Variants in PTGR1 observed in about 807,000 individuals in gnomAD.
PTGR1 encodes 15-oxoprostaglandin 13-reductase.
PTGR1 carries 23 observed loss-of-function variants against 37.7 expected under a neutral mutation model. The ratio of observed to expected loss-of-function variants is 0.61; its 90% CI spans 0.44 to 0.86. PTGR1 has a LOEUF of 0.86. PTGR1 is among the 40% of genes least tolerant of loss of function. The probability of loss-of-function intolerance (pLI) is 0.00; values close to 1 mark genes in which losing one functional copy is unlikely to be tolerated. For synonymous variants in PTGR1, 134 were observed against 140.0 expected, an observed-to-expected ratio of 0.96 and a Z score of 0.30; for missense variants, 351 against 394.3, an observed-to-expected ratio of 0.89 and a Z score of 0.93.
chr9:111,550,575 C>G (rs1355322718), intron 9 of PTGR1, among the ~76,000 whole-genome samples: 1 of 152,160 alleles, frequency 6.6e-6, no homozygotes, highest in East Asian at 1.9e-4. Context: ...CAGATGGACT[C>G]ATGTGCTCCC....
At chr9:111,561,467 A>G (rs1828320688), downstream of PTGR1, among the ~76,000 whole-genome samples, 1 of 151,798 alleles carries the variant, frequency 6.6e-6, no homozygotes, top group Non-Finnish European at 1.5e-5. Context: ...GATGTGGGGT[A>G]TTGTCCAGTC....
At chr9:111,569,773 T>G in intron 9 of PTGR1, 1 of 340,284 alleles carries the variant, frequency 2.9e-6, no homozygotes, top group Non-Finnish European at 5.6e-6. Flanking sequence ...AAGCCTCATA[T>G]GTGGGTTTAA....
In PTGR1 at chr9:111,576,347, T is replaced by C. The variant is rs1330268515; in HGVS notation, c.652-1505A>G. The C allele has an allele frequency of 2.5e-6, 4 of 1,613,834 alleles. No homozygotes were observed. In the Admixed American group the frequency reaches 6.7e-5, roughly 27 times the overall value. On this transcript the variant is annotated intron_variant, in intron 7 of 9. Transcript: ENST00000407693. ...ACCTCAAACCAGTACTCACTAAGCT[T>C]TCCCTGGTCACTTGCAGACATACAT...
chr9:111,578,821 T>C lies in PTGR1; in HGVS notation c.626A>G (p.Asp209Gly), dbSNP rs200278883. The C allele has an allele frequency of 6.2e-7, 1 of 1,606,220 alleles. No individual in the cohort carries two copies. The highest frequency in any genetic ancestry group is 8.5e-7 in the Non-Finnish European group (1 of 1,177,510). Residue 209 changes from aspartate (D) to glycine (G), a missense_variant, in exon 7 of 10, where the codon GAT (aspartate) becomes GGT (glycine). Coordinates refer to ENST00000407693, the MANE Select transcript of PTGR1 (RefSeq NM_001146108.2). ...ATTATCAAAATAACAATCATAACCA[T>C]CAGGAGACGCTTTCTTCAAGGTTTC... ...LEETLKKASP[D>G]GYDCYFDNVG...
At chr9:111,593,135 T>C (rs568726664) in intron 3 of PTGR1, among the ~76,000 whole-genome samples, 153 bp from the exon 4 acceptor site, 6 of 151,604 alleles carry the variant, frequency 4.0e-5, no homozygotes. Flanking sequence ...CCCAGACAGA[T>C]GAAGGGCTAC....
At chr9:111,581,208 T>C (rs536122195) in intron 6 of PTGR1, among the ~76,000 whole-genome samples, 1 of 152,102 alleles carries the variant, frequency 6.6e-6, no homozygotes, top group East Asian at 1.9e-4. Context: ...ATTAAGAAAG[T>C]ACAGAATTCA....
Position 111,562,852 on chromosome 9 carries a change from G to T in PTGR1, c.*269C>A, listed in dbSNP as rs1828372756. 5 of 914,806 alleles carry T rather than the reference G, an allele frequency of 5.5e-6. No individual in the cohort carries two copies. Among genetic ancestry groups the T allele is most frequent in the Non-Finnish European group, 7.2e-6 (5 of 697,974 alleles). 56.7% of individuals were successfully genotyped at this position (914,806 alleles called of 1,614,324 possible). A position where few individuals can be genotyped will look rare whatever the true frequency, so the allele number is the denominator to read the frequency against. ...TTATGAATGAAAACATACAGTGTTTGGAAAATTTTCACACTTCAAAGCCAT... is the reference window on the plus strand; with the variant it reads ...TTATGAATGAAAACATACAGTGTTTTGAAAATTTTCACACTTCAAAGCCAT... On this transcript the variant is annotated 3_prime_UTR_variant, in exon 10 of 10. Transcript: ENST00000407693.
At chr9:111,561,276 TG>T (rs1828315486), downstream of PTGR1, among the ~76,000 whole-genome samples, 1 of 151,764 alleles carries the variant, frequency 6.6e-6, no homozygotes. Context: ...GTTGTTGTTT[TG>T]TTTTTAATTT....
chr9:111,561,441 T>C (rs1828319891), downstream of PTGR1, among the ~76,000 whole-genome samples: 1 of 151,786 alleles, frequency 6.6e-6, no homozygotes, highest in Non-Finnish European at 1.5e-5. Context: ...CCCAGCTAAT[T>C]TGAAAATTTT....
chr9:111,597,455 T>C (rs1325439697), intron 1 of PTGR1, 23 bp from the exon 2 acceptor site: 1 of 1,474,118 alleles, frequency 6.8e-7, no homozygotes, highest in South Asian at 1.2e-5. Flanking sequence ...AAATATGTAG[T>C]CAACTGCCAT....
downstream of PTGR1, among the ~76,000 whole-genome samples, chr9:111,558,272 T>C (rs929179429): frequency 6.6e-6 from 1 of 152,254 alleles, no homozygotes. Flanking sequence ...ATTATCATTA[T>C]CTACATGGAG....
chr9:111,577,891 G>C (rs1323685381), intron 7 of PTGR1: 1 of 152,088 alleles, frequency 6.6e-6, no homozygotes. Context: ...CTATGATATG[G>C]ATGAAACTTG....
chr9:111,572,756 CAAAAAAAAAAA>C (rs58101079), intron 8 of PTGR1, among the ~76,000 whole-genome samples: 1 of 63,512 alleles, frequency 1.6e-5, no homozygotes, highest in Non-Finnish European at 2.8e-5. Flanking sequence ...GACCCTGTCT[CAAAAAAAAAAA>C]AAAAAAAAAA....
intron 9 of PTGR1, among the ~76,000 whole-genome samples, chr9:111,551,159 T>C (rs1827930568): frequency 6.6e-6 from 1 of 152,232 alleles, no homozygotes; most frequent in South Asian, 2.1e-4. Flanking sequence ...TCCATAATAT[T>C]ATTTCATCAT....
intron 1 of PTGR1, among the ~76,000 whole-genome samples, chr9:111,598,913 G>T (rs899726791): frequency 6.6e-6 from 1 of 152,120 alleles, no homozygotes; most frequent in Non-Finnish European, 1.5e-5. Flanking sequence ...TCTCGTCTCT[G>T]AACTTCGTAC....
chr9:111,562,238 A>T (rs1034558921), downstream of PTGR1, among the ~76,000 whole-genome samples: 3 of 151,302 alleles, frequency 2.0e-5, no homozygotes, highest in South Asian at 6.2e-4. Context: ...CACTTTAAAG[A>T]TGAAAAATCA....
intron 8 of PTGR1, among the ~76,000 whole-genome samples, chr9:111,573,460 G>A (rs1828920328): frequency 6.6e-6 from 1 of 152,106 alleles, no homozygotes; most frequent in Non-Finnish European, 1.5e-5. Flanking sequence ...GGGCTATAAG[G>A]TTTCATTCCC....
intron 9 of PTGR1, among the ~76,000 whole-genome samples, chr9:111,554,082 C>G (rs1338862460): frequency 6.6e-6 from 1 of 152,184 alleles, no homozygotes; most frequent in Non-Finnish European, 1.5e-5. Context: ...TCCCATTCCA[C>G]TCTAGAGATC....
At chr9:111,551,948 T>A (rs111825766) in intron 9 of PTGR1, among the ~76,000 whole-genome samples, 2,435 of 152,194 alleles carry the variant, frequency 0.016, 30 homozygotes, top group Non-Finnish European at 0.024. Flanking sequence ...TTTAAAATTT[T>A]GTGCATATTG....
Sources: allele counts gnomAD v4.1 joint callset (sites outside exome capture counted in the v4.1 genomes callset), GRCh38; gene constraint gnomAD v4.1.1; transcripts MANE v1.5; gene names NCBI Gene and HGNC (gene_info 2026-07-23, HGNC 2026-07-21).